GLT1D1: variants seen among roughly 807,000 people sequenced by gnomAD.
The protein encoded by GLT1D1 is glycosyltransferase 1 domain-containing protein 1.
GLT1D1 carries 21 observed loss-of-function variants against 28.7 expected under a neutral mutation model. The ratio of observed to expected loss-of-function variants is 0.73; its 90% CI spans 0.52 to 1.05. The LOEUF is 1.05. Ranked by LOEUF, GLT1D1 falls within the 50% of genes least tolerant of loss-of-function variation. GLT1D1 has a pLI of 0.00. For synonymous variants in GLT1D1, 147 were observed against 124.8 expected (o/e 1.18, Z -1.19); for missense variants, 343 against 330.6 (o/e 1.04, Z -0.29).
At chr12:128,854,648 C>A (rs1163374691) in intron 1 of GLT1D1, among the ~76,000 whole-genome samples, 1 of 150,674 alleles carries the variant, frequency 6.6e-6, no homozygotes, top group Non-Finnish European at 1.5e-5. Context: ...AGGTGTGCAC[C>A]ACCACGCCCG....
chr12:128,872,263 G>C (rs2135786389), intron 1 of GLT1D1, among the ~76,000 whole-genome samples: 1 of 152,278 alleles, frequency 6.6e-6, no homozygotes, highest in East Asian at 1.9e-4. Context: ...GTACTTTTAA[G>C]TGTACTTGAT....
intron 1 of GLT1D1, among the ~76,000 whole-genome samples, chr12:128,869,367 G>A (rs967733350): frequency 6.6e-6 from 1 of 151,752 alleles, no homozygotes; most frequent in African/African-American, 2.4e-5. Flanking sequence ...ACAGGGTCTC[G>A]CCATGTTGCC....
intron 4 of GLT1D1, among the ~76,000 whole-genome samples, chr12:128,902,081 C>CA (rs2135859555): frequency 6.6e-6 from 1 of 151,770 alleles, no homozygotes; most frequent in East Asian, 1.9e-4. Flanking sequence ...CTTCATGACT[C>CA]AGTGAACCAG....
rs913244222 is a variant in GLT1D1 at position 128,864,221 on chromosome 12, C to T, written c.68+10572C>T. 6 of 616,482 alleles carry T rather than the reference C, an allele frequency of 9.7e-6. No homozygotes were observed. In the African/African-American group the frequency reaches 1.1e-4, roughly 12 times the overall value. The allele number at this position is 616,482 out of a possible 1,614,324, so 38.2% of individuals were successfully genotyped here. A position where few individuals can be genotyped will look rare whatever the true frequency, so the allele number is the denominator to read the frequency against. The stretch of plus-strand genomic sequence containing the variant: ...TTAGGGCAGTTGCAACCCACGGGCA[C>T]TCCGAGAGGCTTCCGGGCTGAAGAT... On this transcript the variant is annotated intron_variant, in intron 1 of 7. Coordinates refer to ENST00000281703, the MANE Select transcript of GLT1D1 (RefSeq NM_144669.3).
chr12:128,868,549 G>A (rs1956606555), intron 1 of GLT1D1, among the ~76,000 whole-genome samples: 1 of 152,194 alleles, frequency 6.6e-6, no homozygotes, highest in African/African-American at 2.4e-5. Context: ...CAGGTGTTGT[G>A]GATCTTGAAG....
chr12:128,908,812 G>A (rs894628739), intron 4 of GLT1D1, among the ~76,000 whole-genome samples: 7 of 152,236 alleles, frequency 4.6e-5, no homozygotes, highest in Admixed American at 1.3e-4. Context: ...AGCCGGGCGT[G>A]GTGACGGGCG....
chr12:128,945,403 ACGGGAAGCCTGAGTGGCCC>A, intron 5 of GLT1D1, 34 bp downstream of exon 9: 1 of 1,584,602 alleles, frequency 6.3e-7, no homozygotes, highest in Non-Finnish European at 8.7e-7. Flanking sequence ...ATTTTGCAGA[ACGGGAAGCCTGAGTGGCCC>A]CTGGGTTACC....
At chr12:128,946,185 C>T (rs983722450) in intron 5 of GLT1D1, among the ~76,000 whole-genome samples, 3 of 151,990 alleles carry the variant, frequency 2.0e-5, no homozygotes, top group South Asian at 2.1e-4. Context: ...TGGTGGCCAG[C>T]GGTGGGGACG....
chr12:128,922,479 C>G (rs1872749297), intron 4 of GLT1D1, among the ~76,000 whole-genome samples: 1 of 152,136 alleles, frequency 6.6e-6, no homozygotes, highest in South Asian at 2.1e-4. Flanking sequence ...AAATGAATAG[C>G]TTGACTCTTG....
Position 128,881,534 on chromosome 12 carries a change from G to GAAAAAAA in GLT1D1, c.217+5494_217+5500dup, listed in dbSNP as rs1161429342. 9.2e-4 allele frequency among the ~76,000 whole-genome samples: 22 copies of GAAAAAAA among 23,910 alleles called. 5 individuals carry two copies. Among genetic ancestry groups the GAAAAAAA allele is most frequent in the Non-Finnish European group, 1.6e-3 (21 of 12,854 alleles). The allele number at this position is 23,910 out of a possible 152,430, so 15.7% of individuals were successfully genotyped here. On this transcript the variant is annotated intron_variant, in intron 2 of 7. Transcript: ENST00000281703. ...GGGCAACAGAGTGAGACTCTGTATC[G>GAAAAAAA]AAAAAAAAAAAAAAAAAAAAAAAAA... is the stretch of plus-strand genomic sequence containing the variant.
At chr12:128,938,630 T>C (rs1239743489) in intron 4 of GLT1D1, among the ~76,000 whole-genome samples, 2 of 152,242 alleles carry the variant, frequency 1.3e-5, no homozygotes, top group African/African-American at 4.8e-5. Flanking sequence ...GATATCATCA[T>C]ATTCTTCAAA....
intron 6 of GLT1D1, among the ~76,000 whole-genome samples, chr12:128,952,772 G>GTTTTT (rs1565908656): frequency 4.6e-5 from 1 of 21,788 alleles, no homozygotes; most frequent in African/African-American, 1.8e-4. Context: ...ACCGTGACTG[G>GTTTTT]CTTTTTTTTT....
intron 4 of GLT1D1, among the ~76,000 whole-genome samples, chr12:128,916,001 C>CT (rs199930006): frequency 0.055 from 8,376 of 152,264 alleles, 722 homozygotes; most frequent in African/African-American, 0.19. Flanking sequence ...AGAAAGTTCT[C>CT]TCATGCCCTC....
At chr12:128,966,506 A>C in intron 7 of GLT1D1, among the ~76,000 whole-genome samples, 2 of 151,220 alleles carry the variant, frequency 1.3e-5, no homozygotes, top group African/African-American at 2.4e-5. Flanking sequence ...TGCTCCCCAC[A>C]CCCTCCTCCC....
In GLT1D1 at chr12:128,875,933, G is replaced by T; in HGVS notation, c.88G>T (p.Gly30Trp). Reference sequence around the variant, plus strand: ...ATAAAGGGCCCATCTAGAGGCTGCAGGGCACGTGTGCGTTTTGAAGGATGC... The same window carrying T: ...ATAAAGGGCCCATCTAGAGGCTGCATGGCACGTGTGCGTTTTGAAGGATGC... The change falls in exon 2 of 8, where the codon GGG becomes TGG. Residue 30 changes from glycine to tryptophan, a missense_variant. Transcript: ENST00000281703. 1.2e-6 allele frequency: 2 copies of T among 1,614,032 alleles called. No homozygotes were observed.
At chr12:128,977,798 A>T (rs841912) in intron 7 of GLT1D1, among the ~76,000 whole-genome samples, 1 of 144,430 alleles carries the variant, frequency 6.9e-6, no homozygotes. Flanking sequence ...TTTTTTTTGA[A>T]ACAGAGTTTC....
intron 4 of GLT1D1, among the ~76,000 whole-genome samples, chr12:128,918,660 C>T (rs1176898352): frequency 6.6e-6 from 1 of 152,208 alleles, no homozygotes; most frequent in Non-Finnish European, 1.5e-5. Flanking sequence ...TGAACCCACA[C>T]GACCTCAGCT....
intron 3 of GLT1D1, among the ~76,000 whole-genome samples, chr12:128,896,361 TA>T (rs1036438931): frequency 2.6e-5 from 4 of 151,596 alleles, no homozygotes; most frequent in African/African-American, 9.7e-5. Flanking sequence ...TCTTTCTAAC[TA>T]AAAAAAATGG....
At chr12:128,953,708 C>A (rs528669898) in intron 6 of GLT1D1, among the ~76,000 whole-genome samples, 1 of 150,014 alleles carries the variant, frequency 6.7e-6, no homozygotes, top group Non-Finnish European at 1.5e-5. Context: ...TTCCTTCCTT[C>A]TTTGGCCTGT....
Sources: gnomAD v4.1 joint callset for allele counts (sites outside exome capture counted in the v4.1 genomes callset) on GRCh38, gnomAD v4.1.1 for gene constraint, MANE v1.5 for transcripts, NCBI Gene and HGNC (gene_info 2026-07-23, HGNC 2026-07-21) for gene names.